Variants in MCRS1 observed in about 807,000 individuals in gnomAD.
The protein encoded by MCRS1 is 58 kDa microspherule protein.
A neutral mutation model predicts 62.9 loss-of-function variants in MCRS1; 22 were observed. The ratio of observed to expected loss-of-function variants is 0.35; its 90% CI spans 0.25 to 0.50. MCRS1 has a LOEUF of 0.50. Among genes scored for constraint, MCRS1 ranks in the 20% least tolerant of loss-of-function variants. The pLI, the probability that MCRS1 is intolerant of heterozygous loss-of-function variation, is 0.98. For synonymous variants in MCRS1, 244 were observed against 233.5 expected, an observed-to-expected ratio of 1.04 and a Z score of -0.41; for missense variants, 456 against 601.1, an observed-to-expected ratio of 0.76 and a Z score of 2.52.
chr12:49,565,194 C>A (rs902775217), intron 4 of MCRS1: 21 of 985,326 alleles, frequency 2.1e-5, no homozygotes, highest in Non-Finnish European at 2.5e-5. Flanking sequence ...CTTGCTGGTG[C>A]AGTGTCTAGG....
Position 49,559,679 on chromosome 12 carries a change from G to A in MCRS1, c.1003+50C>T. ...CCAGGCAGCAACAGGGGCACAGGCT[G>A]GGGCGAAGGATGCTGAAGAGTGAGC... On this transcript the variant is annotated intron_variant, in intron 11 of 14. Transcript: ENST00000343810. This position sits in a 1 kb window ranked among gnomAD's most constrained non-coding sequence, Gnocchi z 5.2. 1 of 1,607,320 alleles carries A rather than the reference G, an allele frequency of 6.2e-7. No individual in the cohort carries two copies. The highest frequency in any genetic ancestry group is 2.2e-5 in the East Asian group (1 of 44,766).
At chr12:49,563,310 C>A in intron 7 of MCRS1, 128 bp downstream of exon 7, 1 of 1,349,628 alleles carries the variant, frequency 7.4e-7, no homozygotes, top group Non-Finnish European at 1.0e-6. Flanking sequence ...ACGCCCCTGC[C>A]AATGTGCACA....
intron 4 of MCRS1, 78 bp downstream of exon 4, chr12:49,565,451 C>T (rs1051875412): frequency 8.0e-5 from 123 of 1,533,548 alleles, no homozygotes; most frequent in Non-Finnish European, 1.0e-4. Flanking sequence ...CTGCAGGGCT[C>T]TTGGCAGCTG....
In MCRS1 at chr12:49,564,518, G is replaced by A. The variant is rs755213823; in HGVS notation, c.520C>T (p.Arg174Cys). 8 of 1,613,376 alleles carry A rather than the reference G, an allele frequency of 5.0e-6. No homozygotes were observed. The highest frequency in any genetic ancestry group is 6.8e-6 in the Non-Finnish European group (8 of 1,179,622). ...CRFTLREVQE[R>C]WYALLYDPVI... ...GGATCGTAGAGCAGGGCGTACCAAC[G>A]CTCCTGGACCTCCCGAAGGGTGAAG... The change falls in exon 6 of 15, where the codon CGT (arginine) becomes TGT (cysteine). Residue 174 changes from arginine (R) to cysteine (C), a missense_variant. Transcript: ENST00000343810.
In MCRS1 at chr12:49,558,893, G is replaced by A. The variant is rs754767280; in HGVS notation, c.1252C>T (p.Pro418Ser). The change falls in exon 14 of 15, where the codon CCG (proline) becomes TCG (serine). Residue 418 changes from proline to serine, a missense_variant. By Grantham distance (74) the Pro-to-Ser change is moderately conservative. Around this residue, in one of 3 missense-constraint regions of MCRS1, gnomAD observed 393 missense variants for 523.5 expected, o/e 0.75. Coordinates refer to ENST00000343810, the MANE Select transcript of MCRS1 (RefSeq NM_006337.5). ...GRRPIYIDGR[P>S]VLCGSKWRLS... is the part of the protein sequence containing the mutation. ...CGCCATTTGGAGCCACAGAGCACCGGCCGTCCATCGATGTAGATGGGCCGT... is the reference window on the plus strand; with the variant it reads ...CGCCATTTGGAGCCACAGAGCACCGACCGTCCATCGATGTAGATGGGCCGT... 1.2e-6 allele frequency: 2 copies of A among 1,613,010 alleles called. No individual in the cohort carries two copies. The highest frequency in any genetic ancestry group is 1.7e-5 in the Admixed American group (1 of 60,012).
At chr12:49,560,106 G>C in intron 9 of MCRS1, 139 bp from the exon 10 acceptor site, 3 of 1,318,930 alleles carry the variant, frequency 2.3e-6, no homozygotes, top group Non-Finnish European at 3.3e-6. Context: ...CTCCTTCTCT[G>C]GGGTTGGGCT....
chr12:49,563,413 C>T (rs753603749), intron 7 of MCRS1, 25 bp downstream of exon 7: 6 of 1,597,892 alleles, frequency 3.8e-6, no homozygotes, highest in Admixed American at 3.4e-5. Flanking sequence ...CCCTGATCCT[C>T]CACCTTCCCA....
chr12:49,563,124 A>G lies in MCRS1; in HGVS notation c.682T>C (p.Leu228=), dbSNP rs770004774. The change falls in exon 8 of 15, where the codon TTG becomes CTG. Residue 228 remains leucine, a synonymous_variant. Transcript: ENST00000343810. ...SKVGSTSQPT[L]ETFQDLLHRH... ...TGCAGCAGGTCCTGGAAGGTCTCCA[A>G]GGTGGGCTGGCTGGTCTAGAGGGCA... 1 of 1,562,812 alleles carries G rather than the reference A, an allele frequency of 6.4e-7. No individual in the cohort carries two copies.
rs781745064 is a variant in MCRS1 at position 49,559,440 on chromosome 12, G to A, written c.1086+13C>T. On this transcript the variant is annotated intron_variant, in intron 12 of 14. Transcript: ENST00000343810. This position sits in a 1 kb window ranked among gnomAD's most constrained non-coding sequence, Gnocchi z 5.2. ...GAAGCAGCCTAAGAAGGGCGGGGATGGGCCTGCCTCACCTCACGCGAGCGC... is the reference window on the plus strand; with the variant it reads ...GAAGCAGCCTAAGAAGGGCGGGGATAGGCCTGCCTCACCTCACGCGAGCGC... 7 of 1,613,768 alleles carry A rather than the reference G, an allele frequency of 4.3e-6. No homozygotes were observed. In the Admixed American group the frequency reaches 8.3e-5, roughly 19 times the overall value.
chr12:49,560,464 C>T (rs188821712), intron 8 of MCRS1, 94 bp from the exon 9 acceptor site: 17 of 1,153,772 alleles, frequency 1.5e-5, no homozygotes, highest in Admixed American at 5.1e-5. Context: ...CTGCAGACTG[C>T]GCTGGGTGGA....
chr12:49,558,494 C>CCT lies in MCRS1; in HGVS notation c.*147_*148dup. ...CTCTGCTGGCTTCACAAAGGCCAGCCCTATCCTCCCTCAAAGGCTCAAATC... is the reference window on the plus strand; with the variant it reads ...CTCTGCTGGCTTCACAAAGGCCAGCCCTCTATCCTCCCTCAAAGGCTCAAATC... On this transcript the variant is annotated 3_prime_UTR_variant, in exon 15 of 15. Coordinates refer to ENST00000343810, the MANE Select transcript of MCRS1 (RefSeq NM_006337.5). 1 of 766,928 alleles carries CCT rather than the reference C, an allele frequency of 1.3e-6. No individual in the cohort carries two copies. 47.5% of individuals were successfully genotyped at this position (766,928 alleles called of 1,614,324 possible).
chr12:49,565,985 C>A, intron 3 of MCRS1, 92 bp downstream of exon 3: 1 of 1,510,588 alleles, frequency 6.6e-7, no homozygotes. Flanking sequence ...GGGGCTCAGG[C>A]AGCCATTCCC....
At chr12:49,562,364 T>C (rs905744014) in intron 8 of MCRS1, among the ~76,000 whole-genome samples, 1 of 152,206 alleles carries the variant, frequency 6.6e-6, no homozygotes, top group African/African-American at 2.4e-5. Context: ...TCTTACCCCA[T>C]CACTGGGAGA....
At chr12:49,564,669 G>T in intron 5 of MCRS1, 68 bp downstream of exon 5, 1 of 1,604,866 alleles carries the variant, frequency 6.2e-7, no homozygotes, top group Non-Finnish European at 8.5e-7. Flanking sequence ...GCCCTGTTGG[G>T]CTAATTTTGG....
At chr12:49,561,030 TAC>T (rs1441809971) in intron 8 of MCRS1, among the ~76,000 whole-genome samples, 12 of 152,062 alleles carry the variant, frequency 7.9e-5, no homozygotes, top group African/African-American at 2.4e-4. Context: ...TCAGGATAAA[TAC>T]AGTTTCATGA....
In MCRS1 at chr12:49,558,676, G is replaced by A; in HGVS notation, c.1356C>T (p.Ile452=). The A allele has an allele frequency of 6.2e-7, 1 of 1,613,822 alleles. No homozygotes were observed. The highest frequency in any genetic ancestry group is 8.5e-7 in the Non-Finnish European group (1 of 1,180,032). ...FLINQDLIAL[I]RAEAAKITPQ ...GTGTGATCTTGGCAGCCTCAGCCCT[G>A]ATGAGGGCAATGAGGTCCTGGTTGA... Residue 452 remains isoleucine, a synonymous_variant, in exon 15 of 15, where the codon ATC becomes ATT. Transcript: ENST00000343810.
In MCRS1 at chr12:49,559,961, C is replaced by T. The variant is rs761760454; in HGVS notation, c.888G>A (p.Met296Ile). 3 of 1,614,214 alleles carry T rather than the reference C, an allele frequency of 1.9e-6. No homozygotes were observed. ...DLIDDSKLKD[M>I]RDEVLEHELM... is the part of the protein sequence containing the mutation. ...TACCATGTTCCAGGACCTCATCTCG[C>T]ATGTCCCTGAGGGGCAAGAAGAGAA... Residue 296 changes from methionine to isoleucine, a missense_variant, in exon 10 of 15, where the codon ATG becomes ATA. This residue lies in a region of MCRS1 where 393 missense variants were observed against 523.5 expected (regional missense o/e 0.75). Transcript: ENST00000343810. The surrounding 1 kb of genome is among the most constrained non-coding windows in gnomAD (Gnocchi z 5.2).
chr12:49,559,417 A>C lies in MCRS1; in HGVS notation c.1086+36T>G. On this transcript the variant is annotated intron_variant, in intron 12 of 14. Coordinates refer to ENST00000343810, the MANE Select transcript of MCRS1 (RefSeq NM_006337.5). This position sits in a 1 kb window ranked among gnomAD's most constrained non-coding sequence, Gnocchi z 5.2. The stretch of plus-strand genomic sequence containing the variant: ...CGCAGAGAAAGGCACTGACAGAGGA[A>C]GCAGCCTAAGAAGGGCGGGGATGGG... 6.2e-7 allele frequency: 1 copy of C among 1,613,162 alleles called. No homozygotes were observed. Among genetic ancestry groups the C allele is most frequent in the Non-Finnish European group, 8.5e-7 (1 of 1,179,220 alleles).
chr12:49,564,600 C>T lies in MCRS1; in HGVS notation c.448-10G>A, dbSNP rs1938953086. On this transcript the variant is annotated splice_polypyrimidine_tract_variant and intron_variant, in intron 5 of 14. Transcript: ENST00000343810. Reference sequence around the variant, plus strand: ...AGGTCAGGTCGTTGGTCTGCAAGGCCCCAGAAGGATTTGCTCCAGCCTTGG... The same window carrying T: ...AGGTCAGGTCGTTGGTCTGCAAGGCTCCAGAAGGATTTGCTCCAGCCTTGG... 6.2e-7 allele frequency: 1 copy of T among 1,608,910 alleles called. No homozygotes were observed. Among genetic ancestry groups the T allele is most frequent in the Non-Finnish European group, 8.5e-7 (1 of 1,177,680 alleles).
Sources: allele counts gnomAD v4.1 joint callset (sites outside exome capture counted in the v4.1 genomes callset), GRCh38; gene constraint gnomAD v4.1.1; regional missense constraint gnomAD v4.1.1; non-coding constraint Gnocchi (gnomAD v3.1); transcripts MANE v1.5; gene names NCBI Gene and HGNC (gene_info 2026-07-23, HGNC 2026-07-21).